Variants in DYM observed in about 807,000 individuals in gnomAD.
DYM encodes dyggve-Melchior-Clausen syndrome protein.
In DYM, 78 loss-of-function variants were observed where a neutral mutation model predicts 93.1. That is an observed-to-expected ratio of 0.84 (90% confidence interval 0.70 to 1.01). The LOEUF is 1.01. Among genes scored for constraint, DYM ranks in the 50% least tolerant of loss-of-function variants. The pLI, the probability that DYM is intolerant of heterozygous loss-of-function variation, is 0.00. For synonymous variants in DYM, 321 were observed against 319.7 expected (o/e 1.00, Z -0.04); for missense variants, 789 against 845.0 (o/e 0.93, Z 0.82).
At position 49,378,674 on chromosome 18, in the gene DYM, T is replaced by TTG; in HGVS notation, c.312_313dup (p.Asn105ThrfsTer11). Reference sequence around the variant, plus strand: ...CAAACAGCAAATAATAAACAAAGCATTGTGTGTCTGCCAAATGAAGATGTG... The same window carrying TTG: ...CAAACAGCAAATAATAAACAAAGCATTGTGTGTGTCTGCCAAATGAAGATGTG... On this transcript the variant is annotated frameshift_variant, in exon 5 of 18. Transcript: ENST00000675505. LOFTEE classifies it high-confidence loss of function. 2 of 1,613,304 alleles carry TTG rather than the reference T, an allele frequency of 1.2e-6. No homozygotes were observed. Among genetic ancestry groups the TTG allele is most frequent in the Non-Finnish European group, 1.7e-6 (2 of 1,179,546 alleles).
In DYM at chr18:49,036,605, G is replaced by A. The variant is rs899161120; in HGVS notation, c.*7450C>T. ...CTCACTCCATTGCCCAGGCTGGAGT[G>A]TGGTGCCATGACCACAGCTCACTGC... On this transcript the variant is annotated 3_prime_UTR_variant, in exon 18 of 18. Coordinates refer to ENST00000675505, the MANE Select transcript of DYM (RefSeq NM_001353214.3). Among the ~76,000 whole-genome samples the A allele has an allele frequency of 2.0e-5, 3 of 152,106 alleles. No homozygotes were observed. The East Asian group carries it at 5.8e-4, about 29-fold the overall frequency.
chr18:49,402,026 CAA>C (rs61550965), intron 2 of DYM, among the ~76,000 whole-genome samples: 39 of 104,606 alleles, frequency 3.7e-4, no homozygotes, highest in Admixed American at 5.2e-4. Flanking sequence ...AACTCTGTCT[CAA>C]AAAAAAAAAA....
intron 1 of DYM, among the ~76,000 whole-genome samples, chr18:49,449,260 T>C (rs1472461496): frequency 6.6e-6 from 1 of 152,242 alleles, no homozygotes; most frequent in Non-Finnish European, 1.5e-5. Flanking sequence ...AGAGATTTTA[T>C]GTTGCTTCTA....
At chr18:49,445,431 G>A (rs555621008) in intron 1 of DYM, among the ~76,000 whole-genome samples, 1 of 151,958 alleles carries the variant, frequency 6.6e-6, no homozygotes, top group Admixed American at 6.6e-5. Context: ...CATAAAAAAG[G>A]AAATAAAGAA....
At chr18:49,080,670 C>A (rs530781129) in intron 17 of DYM, among the ~76,000 whole-genome samples, 2 of 140,394 alleles carry the variant, frequency 1.4e-5, no homozygotes, top group Non-Finnish European at 3.1e-5. Flanking sequence ...CCGGACGGGG[C>A]GGCTGCCGGG....
Position 49,063,480 on chromosome 18 carries a change from G to C in DYM, c.2026-19276C>G, listed in dbSNP as rs558734192. On this transcript the variant is annotated intron_variant, in intron 17 of 17. Coordinates refer to ENST00000675505, the MANE Select transcript of DYM (RefSeq NM_001353214.3). ...ATGTGGTTTAGGACAGTCACTGTTG[G>C]GGGGACCATGTTCTCTAATGGGACA... Among the ~76,000 whole-genome samples the C allele has an allele frequency of 7.9e-4, 120 of 152,062 alleles. 1 individual carries two copies. The highest frequency in any genetic ancestry group is 1.4e-3 in the Admixed American group (22 of 15,262).
rs1038258994 is a variant in DYM at position 49,455,791 on chromosome 18, G to A, written c.-54+4607C>T. 8.6e-5 allele frequency among the ~76,000 whole-genome samples: 13 copies of A among 151,940 alleles called. 1 individual carries two copies. Among genetic ancestry groups the A allele is most frequent in the Non-Finnish European group, 1.5e-4 (10 of 67,992 alleles). ...AATGGTGAAAACTCTACTAAAAACAGTACAAAAATTAGCCGGGCATGGTGG... is the reference window on the plus strand; with the variant it reads ...AATGGTGAAAACTCTACTAAAAACAATACAAAAATTAGCCGGGCATGGTGG... On this transcript the variant is annotated intron_variant, in intron 1 of 17. Coordinates refer to ENST00000675505, the MANE Select transcript of DYM (RefSeq NM_001353214.3).
At chr18:49,422,261 T>A (rs569153694) in intron 2 of DYM, among the ~76,000 whole-genome samples, 11 of 152,146 alleles carry the variant, frequency 7.2e-5, no homozygotes, top group Non-Finnish European at 1.5e-4. Flanking sequence ...GAGAGAAAGG[T>A]TGGGTTACCC....
At chr18:49,282,274 T>C in intron 9 of DYM, 99 bp from the exon 10 acceptor site, 1 of 1,159,586 alleles carries the variant, frequency 8.6e-7, no homozygotes. Context: ...CCCATTAATT[T>C]TATGGAAAGT....
intron 13 of DYM, among the ~76,000 whole-genome samples, chr18:49,245,742 G>C (rs551122376): frequency 2.0e-5 from 3 of 152,198 alleles, no homozygotes; most frequent in Admixed American, 2.0e-4. Flanking sequence ...TGATCTTTGT[G>C]ACTTACTCCC....
chr18:49,150,231 T>A (rs1330407637), intron 15 of DYM, among the ~76,000 whole-genome samples: 2 of 152,148 alleles, frequency 1.3e-5, no homozygotes, highest in African/African-American at 4.8e-5. Context: ...TTAAGAGAGA[T>A]CATATCTGAT....
chr18:49,401,403 A>G (rs1317223394), intron 2 of DYM, among the ~76,000 whole-genome samples: 2 of 152,138 alleles, frequency 1.3e-5, no homozygotes, highest in African/African-American at 2.4e-5. Context: ...TCTCAGTTTT[A>G]TTTTGTTTTT....
chr18:49,420,226 G>A (rs1031032450), intron 2 of DYM, among the ~76,000 whole-genome samples: 1 of 145,526 alleles, frequency 6.9e-6, no homozygotes, highest in Non-Finnish European at 1.5e-5. Flanking sequence ...GGAGTGCAAT[G>A]GCGCGATCTC....
chr18:49,392,879 C>T (rs1054878430), intron 2 of DYM, among the ~76,000 whole-genome samples: 1 of 150,610 alleles, frequency 6.6e-6, no homozygotes, highest in African/African-American at 2.4e-5. Flanking sequence ...CCTGTGATCC[C>T]AGCTACTTGG....
intron 2 of DYM, among the ~76,000 whole-genome samples, chr18:49,406,856 G>T (rs1376977934): frequency 1.3e-5 from 2 of 152,190 alleles, no homozygotes; most frequent in Non-Finnish European, 2.9e-5. Flanking sequence ...TTATCTCAAA[G>T]AAATGAAAAC....
At chr18:49,326,082 C>T (rs1003027740) in intron 8 of DYM, among the ~76,000 whole-genome samples, 1 of 152,240 alleles carries the variant, frequency 6.6e-6, no homozygotes, top group South Asian at 2.1e-4. Context: ...ACTGAAGGTG[C>T]GAATTACCAG....
intron 17 of DYM, chr18:49,049,593 G>A (rs1043554119): frequency 3.3e-5 from 5 of 152,518 alleles, no homozygotes; most frequent in African/African-American, 4.8e-5. Flanking sequence ...GCTTGGTATA[G>A]TACCCACCAC....
chr18:49,367,511 A>G (rs931525614), intron 5 of DYM, among the ~76,000 whole-genome samples: 2 of 152,228 alleles, frequency 1.3e-5, no homozygotes, highest in Non-Finnish European at 2.9e-5. Flanking sequence ...AGCAGAGAAC[A>G]GTACAATACT....
intron 14 of DYM, among the ~76,000 whole-genome samples, chr18:49,198,056 GAGCCCTCAGAAAT>G (rs1236414294): frequency 6.6e-6 from 1 of 152,152 alleles, no homozygotes; most frequent in Non-Finnish European, 1.5e-5. Context: ...GAACAGAACA[GAGCCCTCAGAAAT>G]AGTGCCACAC....
Sources: allele counts gnomAD v4.1 joint callset (sites outside exome capture counted in the v4.1 genomes callset), GRCh38; gene constraint gnomAD v4.1.1; transcripts MANE v1.5; gene names NCBI Gene and HGNC (gene_info 2026-07-23, HGNC 2026-07-21).